Variants in AURKAIP1 observed in about 807,000 individuals in gnomAD.
The protein encoded by AURKAIP1 is aurora kinase A interacting protein 1.
A neutral mutation model predicts 18.4 loss-of-function variants in AURKAIP1; 20 were observed. The ratio of observed to expected loss-of-function variants is 1.09; its 90% CI spans 0.77 to 1.58. The LOEUF is 1.58. AURKAIP1 is among the 40% of genes most tolerant of loss of function. The pLI is 0.00. For missense variants in AURKAIP1, 319 were observed against 270.7 expected, an observed-to-expected ratio of 1.18 and a Z score of -1.25; for synonymous variants, 156 against 120.8, an observed-to-expected ratio of 1.29 and a Z score of -1.91.
At chr1:1,374,644 C>CG (rs1644330511) in intron 2 of AURKAIP1, 61 bp downstream of exon 2, 33 of 1,525,412 alleles carry the variant, frequency 2.2e-5, no homozygotes, top group Non-Finnish European at 2.8e-5. Flanking sequence ...AGCGGAGCTG[C>CG]TGAGACCCGC....
At chr1:1,373,954 G>C in intron 3 of AURKAIP1, 46 bp downstream of exon 3, 1 of 1,608,886 alleles carries the variant, frequency 6.2e-7, no homozygotes, top group Non-Finnish European at 8.5e-7. Context: ...AAAGAAACGT[G>C]TTCTCAGCAC....
Position 1,373,919 on chromosome 1 carries a change from G to C in AURKAIP1, c.499-17C>G. 4 of 1,609,268 alleles carry C rather than the reference G, an allele frequency of 2.5e-6. No homozygotes were observed. Among genetic ancestry groups the C allele is most frequent in the South Asian group, 1.1e-5 (1 of 91,080 alleles). On this transcript the variant is annotated splice_polypyrimidine_tract_variant and intron_variant, in intron 3 of 3. Coordinates refer to ENST00000338338, the MANE Select transcript of AURKAIP1 (RefSeq NM_017900.3). ...GAACTTGATCTGCAAGACGCAGAGA[G>C]AGGGACCGCCAAGTAATTCGTGGCA... is the stretch of plus-strand genomic sequence containing the variant.
chr1:1,374,152 C>A lies in AURKAIP1; in HGVS notation c.346G>T (p.Asp116Tyr), dbSNP rs756769828. 5 of 1,613,968 alleles carry A rather than the reference C, an allele frequency of 3.1e-6. No individual in the cohort carries two copies. In the Admixed American group the frequency reaches 8.3e-5, roughly 27 times the overall value. ...TGAGGCGCATCCGCGACGCCTTCAT[C>A]CCCCTGCTCGGCCCCTTCCCCTATC... is the stretch of plus-strand genomic sequence containing the variant. ...SQIGEGAEQG[D>Y]EGVADAPQIQ... The change falls in exon 3 of 4, where the codon GAT (aspartate) becomes TAT (tyrosine). Residue 116 changes from aspartate (D) to tyrosine (Y), a missense_variant. Physicochemically the swap from Asp to Tyr is radical, Grantham distance 160. Coordinates refer to ENST00000338338, the MANE Select transcript of AURKAIP1 (RefSeq NM_017900.3).
In AURKAIP1 at chr1:1,374,204, C is replaced by A. The variant is rs369820135; in HGVS notation, c.294G>T (p.Pro98=). 42 of 1,613,354 alleles carry A rather than the reference C, an allele frequency of 2.6e-5. No individual in the cohort carries two copies. The highest frequency in any genetic ancestry group is 3.5e-5 in the Non-Finnish European group (41 of 1,180,032). ...GGCTGGGCGGACACTGGTAGGATTG[C>A]GGTGGAGCCACAGTCCCTGCGGTCC... The part of the protein sequence containing the change: ...DTGTAGTVAP[P]QSYQCPPSQI... Residue 98 remains proline, a synonymous_variant, in exon 3 of 4, where the codon CCG becomes CCT. Transcript: ENST00000338338.
rs1454965527 is a variant in AURKAIP1, at chr1:1,374,804, G to C, written c.-34-14C>G. On this transcript the variant is annotated splice_polypyrimidine_tract_variant and intron_variant, in intron 1 of 3. Coordinates refer to ENST00000338338, the MANE Select transcript of AURKAIP1 (RefSeq NM_017900.3). ...GTCCCAGGGGAGCTGGAACACAAGT[G>C]CCCGTTCAGGTCAGGCGGCAGCGCC... 6.5e-7 allele frequency: 1 copy of C among 1,532,300 alleles called. No individual in the cohort carries two copies. The highest frequency in any genetic ancestry group is 1.2e-5 in the South Asian group (1 of 83,148). The allele number at this position is 1,532,300 out of a possible 1,614,324, so 94.9% of individuals were successfully genotyped here.
rs141842541 is a variant in AURKAIP1 at position 1,374,191 on chromosome 1, A to G, written c.307T>C (p.Cys103Arg). The G allele has an allele frequency of 5.0e-6, 8 of 1,613,526 alleles. No homozygotes were observed. In the African/African-American group the frequency reaches 6.7e-5, roughly 13 times the overall value. Residue 103 changes from cysteine to arginine, a missense_variant, in exon 3 of 4, where the codon TGT (cysteine) becomes CGT (arginine). Cys to Arg is a radical substitution (Grantham distance 180). Coordinates refer to ENST00000338338, the MANE Select transcript of AURKAIP1 (RefSeq NM_017900.3). ...CCTTCCCCTATCTGGCTGGGCGGAC[A>G]CTGGTAGGATTGCGGTGGAGCCACA... ...GTVAPPQSYQ[C>R]PPSQIGEGAE...
intron 1 of AURKAIP1, 83 bp from the exon 2 acceptor site, chr1:1,374,873 C>A: frequency 1.1e-6 from 1 of 917,018 alleles, no homozygotes; most frequent in Non-Finnish European, 1.6e-6. Flanking sequence ...TCTGGTCCCG[C>A]CGCGACCCTC....
Position 1,374,054 on chromosome 1 carries a change from C to T in AURKAIP1, c.444G>A (p.Lys148=). 2.5e-6 allele frequency: 4 copies of T among 1,608,016 alleles called. No individual in the cohort carries two copies. Among genetic ancestry groups the T allele is most frequent in the Non-Finnish European group, 3.4e-6 (4 of 1,176,372 alleles). The part of the protein sequence containing the change: ...MNHHKYRKLV[K]KTRFLRRKVQ... ...CCTTCCTCCGCAGGAACCGCGTCTT[C>T]TTCACCAGCTTCCGGTACTTGTGGT... is the stretch of plus-strand genomic sequence containing the variant. The change falls in exon 3 of 4, where the codon AAG becomes AAA. Residue 148 remains lysine (K), a synonymous_variant. Transcript: ENST00000338338.
chr1:1,374,837 G>T, intron 1 of AURKAIP1, 47 bp from the exon 2 acceptor site: 1 of 1,385,832 alleles, frequency 7.2e-7, no homozygotes, highest in South Asian at 1.3e-5. Flanking sequence ...GCCTTCAGTA[G>T]TCGCGGGCGG....
chr1:1,374,638 G>C (rs1644330392), intron 2 of AURKAIP1, 67 bp downstream of exon 2: 1 of 1,509,700 alleles, frequency 6.6e-7, no homozygotes, highest in African/African-American at 1.4e-5. Flanking sequence ...TGCCCCAGCG[G>C]AGCTGCTGAG....
rs745722308 is a variant in AURKAIP1 at position 1,373,862 on chromosome 1, G to A, written c.539C>T (p.Ala180Val). The change falls in exon 4 of 4, where the codon GCG (alanine) becomes GTG (valine). Residue 180 changes from alanine to valine, a missense_variant. Transcript: ENST00000338338. ...GCCTTCGGGGGCTTCCTTTAGCCCC[G>A]CCTTCAGCCAGATGCGCCTCAGGTC... ...EKDLRRIWLK[A>V]GLKEAPEGWQ... The A allele has an allele frequency of 2.2e-5, 35 of 1,607,024 alleles. No individual in the cohort carries two copies. The highest frequency in any genetic ancestry group is 5.3e-5 in the African/African-American group (4 of 74,934).
chr1:1,375,078 C>A, intron 1 of AURKAIP1, 76 bp downstream of exon 1: 1 of 285,620 alleles, frequency 3.5e-6, no homozygotes. Flanking sequence ...CCCGGACCCT[C>A]TCGGCTGGAC....
intron 1 of AURKAIP1, 99 bp from the exon 2 acceptor site, chr1:1,374,889 C>T (rs1460947638): frequency 3.9e-6 from 3 of 766,286 alleles, no homozygotes; most frequent in African/African-American, 1.8e-5. Flanking sequence ...CCCTCGCTTC[C>T]CTTCTCCCTC....
At position 1,373,911 on chromosome 1, in the gene AURKAIP1, C is replaced by T. The variant is rs767422394; in HGVS notation, c.499-9G>A. ...TCTTTCTCGAACTTGATCTGCAAGACGCAGAGAGAGGGACCGCCAAGTAAT... is the reference window on the plus strand; with the variant it reads ...TCTTTCTCGAACTTGATCTGCAAGATGCAGAGAGAGGGACCGCCAAGTAAT... On this transcript the variant is annotated splice_polypyrimidine_tract_variant and intron_variant, in intron 3 of 3. Transcript: ENST00000338338. 3.7e-6 allele frequency: 6 copies of T among 1,609,032 alleles called. No homozygotes were observed. The highest frequency in any genetic ancestry group is 2.2e-5 in the East Asian group (1 of 44,898).
At position 1,373,855 on chromosome 1, in the gene AURKAIP1, T is replaced by G. The variant is rs370236892; in HGVS notation, c.546A>C (p.Leu182=). The G allele has an allele frequency of 3.1e-6, 5 of 1,606,234 alleles. No homozygotes were observed. The highest frequency in any genetic ancestry group is 4.2e-6 in the Non-Finnish European group (5 of 1,179,962). Reference sequence around the variant, plus strand: ...TCTGCCAGCCTTCGGGGGCTTCCTTTAGCCCCGCCTTCAGCCAGATGCGCC... The same window carrying G: ...TCTGCCAGCCTTCGGGGGCTTCCTTGAGCCCCGCCTTCAGCCAGATGCGCC... ...DLRRIWLKAG[L]KEAPEGWQTP... Residue 182 remains leucine (L), a synonymous_variant, in exon 4 of 4, where the codon CTA becomes CTC. Coordinates refer to ENST00000338338, the MANE Select transcript of AURKAIP1 (RefSeq NM_017900.3).
chr1:1,374,425 C>G lies in AURKAIP1; in HGVS notation c.73G>C (p.Val25Leu). The G allele has an allele frequency of 6.9e-7, 1 of 1,450,324 alleles. No individual in the cohort carries two copies. The highest frequency in any genetic ancestry group is 9.0e-7 in the Non-Finnish European group (1 of 1,107,238). 89.8% of individuals were successfully genotyped at this position (1,450,324 alleles called of 1,614,324 possible). A position where few individuals can be genotyped will look rare whatever the true frequency, so the allele number is the denominator to read the frequency against. ...PWAGGRPPWP[V>L]SGVLGSRVCG... is the part of the protein sequence containing the mutation. ...ACCCGGCTGCCCAGCACTCCAGAGA[C>G]GGGCCAAGGCGGGCGGCCGCCTGCA... The change falls in exon 3 of 4, where the codon GTC becomes CTC. Residue 25 changes from valine to leucine, a missense_variant. Transcript: ENST00000338338.
Position 1,374,333 on chromosome 1 carries a change from C to T in AURKAIP1, c.165G>A (p.Gly55=), listed in dbSNP as rs1390691066. The T allele has an allele frequency of 2.6e-6, 4 of 1,567,410 alleles. No individual in the cohort carries two copies. Among genetic ancestry groups the T allele is most frequent in the Middle Eastern group, 1.7e-4 (1 of 5,878 alleles). ...PGRAASLPRK[G]AQLELEEMLV... is the part of the protein sequence containing the mutation. Reference sequence around the variant, plus strand: ...GCATCTCCTCCAGCTCCAGCTGGGCCCCCTTGCGAGGGAGAGAGGCCGCCC... The same window carrying T: ...GCATCTCCTCCAGCTCCAGCTGGGCTCCCTTGCGAGGGAGAGAGGCCGCCC... Residue 55 remains glycine (G), a synonymous_variant, in exon 3 of 4, where the codon GGG becomes GGA. Transcript: ENST00000338338.
intron 1 of AURKAIP1, 139 bp downstream of exon 1, chr1:1,375,015 G>C: frequency 2.3e-6 from 1 of 435,048 alleles, no homozygotes; most frequent in East Asian, 4.4e-5. Flanking sequence ...CCCAGAACGG[G>C]GAGGCCGGCC....
At chr1:1,375,024 C>G in intron 1 of AURKAIP1, 130 bp downstream of exon 1, 1 of 411,730 alleles carries the variant, frequency 2.4e-6, no homozygotes, top group Non-Finnish European at 4.4e-6. Context: ...GGGAGGCCGG[C>G]CCCCTCCCCG....
Sources: gnomAD v4.1 joint callset for allele counts on GRCh38, gnomAD v4.1.1 for gene constraint, MANE v1.5 for transcripts, NCBI Gene and HGNC (gene_info 2026-07-23, HGNC 2026-07-21) for gene names.